SEMA5A: variants seen among roughly 807,000 people sequenced by gnomAD.
The protein encoded by SEMA5A is semaphorin 5A.
SEMA5A carries 55 observed loss-of-function variants against 135.5 expected under a neutral mutation model. That is an observed-to-expected ratio of 0.41 (90% confidence interval 0.33 to 0.51). The LOEUF (loss-of-function observed/expected upper bound fraction) is 0.51. Among genes scored for constraint, SEMA5A ranks in the 20% least tolerant of loss-of-function variants. The pLI, the probability that SEMA5A is intolerant of heterozygous loss-of-function variation, is 0.37. For missense variants in SEMA5A, 1,290 were observed against 1,419.9 expected (o/e 0.91, Z 1.47); for synonymous variants, 580 against 546.5 (o/e 1.06, Z -0.85).
intron 16 of SEMA5A, among the ~76,000 whole-genome samples, chr5:9,084,909 T>TG (rs1458853358): frequency 6.6e-6 from 1 of 152,196 alleles, no homozygotes; most frequent in Non-Finnish European, 1.5e-5. Context: ...GATAGCGATA[T>TG]GGACAATAAG....
intron 12 of SEMA5A, among the ~76,000 whole-genome samples, chr5:9,149,874 G>A (rs1259029942): frequency 6.6e-6 from 1 of 152,212 alleles, no homozygotes; most frequent in Non-Finnish European, 1.5e-5. Flanking sequence ...GGAAGCCTAT[G>A]AGTTCTTGGC....
intron 1 of SEMA5A, chr5:9,517,224 C>T (rs1253294167): frequency 6.6e-6 from 1 of 152,188 alleles, no homozygotes; most frequent in East Asian, 1.9e-4. Context: ...TCTGTGAAGC[C>T]TATGGGGAAT....
chr5:9,532,677 G>A (rs1031694595), intron 1 of SEMA5A, among the ~76,000 whole-genome samples: 5 of 152,154 alleles, frequency 3.3e-5, no homozygotes, highest in Middle Eastern at 3.2e-3. Flanking sequence ...TTGTCTCTCC[G>A]ATGATTGGGG....
chr5:9,408,811 A>C (rs537049443), intron 2 of SEMA5A, among the ~76,000 whole-genome samples: 3 of 152,082 alleles, frequency 2.0e-5, no homozygotes, highest in Admixed American at 1.3e-4. Context: ...CACTGAAAAC[A>C]ATTTCAAAAC....
intron 2 of SEMA5A, among the ~76,000 whole-genome samples, chr5:9,412,238 T>C (rs997636788): frequency 6.6e-6 from 1 of 151,990 alleles, no homozygotes; most frequent in Non-Finnish European, 1.5e-5. Context: ...AGTCTTATCA[T>C]GGGTTACAGA....
intron 5 of SEMA5A, among the ~76,000 whole-genome samples, chr5:9,287,434 T>C (rs1466292392): frequency 6.6e-6 from 1 of 152,186 alleles, no homozygotes; most frequent in African/African-American, 2.4e-5. Flanking sequence ...ATTGCAATTA[T>C]TTTTAGAGGA....
intron 11 of SEMA5A, among the ~76,000 whole-genome samples, chr5:9,155,413 C>T (rs985975628): frequency 1.4e-4 from 21 of 151,198 alleles, no homozygotes; most frequent in African/African-American, 3.2e-4. Flanking sequence ...GGAGGGTGAG[C>T]GGCCCCTGAG....
At chr5:9,281,489 C>G (rs1237557840) in intron 5 of SEMA5A, among the ~76,000 whole-genome samples, 3 of 152,178 alleles carry the variant, frequency 2.0e-5, no homozygotes, top group Admixed American at 2.0e-4. Context: ...CCCAGGGCAG[C>G]CTACACAACA....
chr5:9,280,929 C>T (rs1346863077), intron 5 of SEMA5A: 1 of 197,082 alleles, frequency 5.1e-6, no homozygotes, highest in Non-Finnish European at 1.1e-5. Flanking sequence ...TTAATTTAAC[C>T]CAATTCTTCA....
At chr5:9,057,476 T>A (rs1736955887) in intron 18 of SEMA5A, among the ~76,000 whole-genome samples, 1 of 152,238 alleles carries the variant, frequency 6.6e-6, no homozygotes, top group African/African-American at 2.4e-5. Context: ...TGTGATCTAG[T>A]CTAATAAATC....
intron 13 of SEMA5A, among the ~76,000 whole-genome samples, chr5:9,135,277 T>C (rs553547370): frequency 9.3e-5 from 14 of 150,770 alleles, no homozygotes; most frequent in African/African-American, 3.4e-4. Context: ...GCCTCCCGAG[T>C]TCACGCCATT....
intron 1 of SEMA5A, among the ~76,000 whole-genome samples, chr5:9,536,123 C>CCACTTTTA (rs1379803548): frequency 1.3e-5 from 2 of 152,108 alleles, no homozygotes; most frequent in Admixed American, 1.3e-4. Flanking sequence ...CTTGGTGCAC[C>CCACTTTTA]CACTTTTACA....
At chr5:9,412,877 A>G (rs535468438) in intron 2 of SEMA5A, among the ~76,000 whole-genome samples, 23 of 152,252 alleles carry the variant, frequency 1.5e-4, no homozygotes, top group African/African-American at 4.3e-4. Context: ...TTTGGACTTT[A>G]GTTTTTTAGA....
intron 21 of SEMA5A, 64 bp from the exon 22 acceptor site, chr5:9,044,648 C>T (rs953595652): frequency 1.5e-6 from 2 of 1,359,720 alleles, no homozygotes; most frequent in Non-Finnish European, 2.1e-6. Flanking sequence ...CTACTCAAAG[C>T]ACTAGGATGA....
At chr5:9,061,441 G>C (rs1484000616) in intron 18 of SEMA5A, among the ~76,000 whole-genome samples, 1 of 151,976 alleles carries the variant, frequency 6.6e-6, no homozygotes, top group Non-Finnish European at 1.5e-5. Context: ...TGTCCTCATG[G>C]AGCTTCAGAC....
intron 5 of SEMA5A, among the ~76,000 whole-genome samples, chr5:9,257,971 AT>A (rs1161884855): frequency 6.6e-6 from 1 of 152,144 alleles, no homozygotes; most frequent in Non-Finnish European, 1.5e-5. Context: ...CTTCGAGGCT[AT>A]AGATGATACC....
At chr5:9,082,021 C>T (rs1000023823) in intron 16 of SEMA5A, among the ~76,000 whole-genome samples, 1 of 152,108 alleles carries the variant, frequency 6.6e-6, no homozygotes, top group Non-Finnish European at 1.5e-5. Context: ...TGGGTTTCTC[C>T]AAATGAGTGA....
intron 1 of SEMA5A, among the ~76,000 whole-genome samples, chr5:9,467,687 A>G (rs1358661426): frequency 6.6e-6 from 1 of 152,144 alleles, no homozygotes; most frequent in Non-Finnish European, 1.5e-5. Context: ...CTAAGCCAGG[A>G]TCAAGCTGAG....
intron 8 of SEMA5A, among the ~76,000 whole-genome samples, chr5:9,213,015 G>T (rs553009248): frequency 2.6e-5 from 4 of 152,178 alleles, no homozygotes; most frequent in Non-Finnish European, 5.9e-5. Context: ...TCTGGCAAGG[G>T]TTTGCTTTCT....
Sources: gnomAD v4.1 joint callset for allele counts (sites outside exome capture counted in the v4.1 genomes callset) on GRCh38, gnomAD v4.1.1 for gene constraint, MANE v1.5 for transcripts, NCBI Gene and HGNC (gene_info 2026-07-23, HGNC 2026-07-21) for gene names.